NOBOX: variants seen among roughly 807,000 people sequenced by gnomAD.
NOBOX encodes the protein homeobox protein NOBOX.
Under a neutral mutation model 60.2 loss-of-function variants are expected in NOBOX, and 46 were observed. The ratio of observed to expected loss-of-function variants is 0.76; its 90% CI spans 0.60 to 0.98. The LOEUF (loss-of-function observed/expected upper bound fraction) is 0.98, where lower values mean the gene tolerates loss of function less well. Among genes scored for constraint, NOBOX ranks in the 50% least tolerant of loss-of-function variants. The probability of loss-of-function intolerance (pLI) is 0.00; values close to 1 mark genes in which losing one functional copy is unlikely to be tolerated. For synonymous variants in NOBOX, 360 were observed against 346.3 expected (o/e 1.04, Z -0.44); for missense variants, 880 against 865.5 (o/e 1.02, Z -0.21).
chr7:144,398,319 T>C lies in NOBOX; in HGVS notation c.1737A>G (p.Ser579=), dbSNP rs1286424964. ...CAGGTGGTTGCATCAGGATCTGTCC[T>C]GAGGAGGCACCTGGGCAATAGCCCT... Residue 579 remains serine (S), a synonymous_variant, in exon 9 of 10, where the codon TCA becomes TCG. Transcript: ENST00000467773. The C allele has an allele frequency of 6.5e-7, 1 of 1,537,306 alleles. No homozygotes were observed. Among genetic ancestry groups the C allele is most frequent in the Non-Finnish European group, 8.7e-7 (1 of 1,146,928 alleles).
intron 1 of NOBOX, among the ~76,000 whole-genome samples, chr7:144,406,313 G>A (rs777587558): frequency 1.3e-5 from 2 of 152,090 alleles, no homozygotes; most frequent in Admixed American, 6.6e-5. Context: ...ATCCCAGCAC[G>A]TTGGGAGGCC....
chr7:144,406,749 A>G (rs2053988322), intron 1 of NOBOX, among the ~76,000 whole-genome samples: 1 of 152,180 alleles, frequency 6.6e-6, no homozygotes, highest in Non-Finnish European at 1.5e-5. Context: ...TGTGTTTTTG[A>G]TATATCTTGT....
chr7:144,396,932 C>T (rs920479980), downstream of NOBOX, among the ~76,000 whole-genome samples: 12 of 152,088 alleles, frequency 7.9e-5, no homozygotes, highest in African/African-American at 1.2e-4. Context: ...TTACTGCTTA[C>T]GGTGGACACT....
chr7:144,402,690 G>A (rs1482657740), intron 2 of NOBOX, among the ~76,000 whole-genome samples: 8 of 150,810 alleles, frequency 5.3e-5, no homozygotes, highest in Non-Finnish European at 1.2e-4. Context: ...GCTAAGTAAC[G>A]ACTAAGAGCT....
At position 144,401,238 on chromosome 7, in the gene NOBOX, A is replaced by G; in HGVS notation, c.652T>C (p.Ser218Pro). Residue 218 changes from serine to proline, a missense_variant, in exon 4 of 10, where the codon TCA (serine) becomes CCA (proline). Coordinates refer to ENST00000467773, the MANE Select transcript of NOBOX (RefSeq NM_001080413.3). This position sits in a 1 kb window ranked among gnomAD's most constrained non-coding sequence, Gnocchi z 4.2. ...GCTGAGTTAGGGGCACCCGGAGATGATGTTGGGGCCAGACCCATGGCATTA... is the reference window on the plus strand; with the variant it reads ...GCTGAGTTAGGGGCACCCGGAGATGGTGTTGGGGCCAGACCCATGGCATTA... The G allele has an allele frequency of 6.2e-7, 1 of 1,613,488 alleles. No homozygotes were observed. Among genetic ancestry groups the G allele is most frequent in the Non-Finnish European group, 8.5e-7 (1 of 1,179,730 alleles).
rs200917107 is a variant in NOBOX, at chr7:144,401,210, C to A, written c.680G>T (p.Arg227Leu). The A allele has an allele frequency of 6.2e-7, 1 of 1,613,640 alleles. No individual in the cohort carries two copies. Among genetic ancestry groups the A allele is most frequent in the Non-Finnish European group, 8.5e-7 (1 of 1,179,760 alleles). Residue 227 changes from arginine to leucine, a missense_variant, in exon 4 of 10, where the codon CGT (arginine) becomes CTT (leucine). Arg to Leu is a moderately radical substitution (Grantham distance 102). Coordinates refer to ENST00000467773, the MANE Select transcript of NOBOX (RefSeq NM_001080413.3). The surrounding 1 kb of genome is among the most constrained non-coding windows in gnomAD (Gnocchi z 4.2). The stretch of plus-strand genomic sequence containing the variant: ...ACAGGGCACTGGGTTGTGTGTGGCA[C>A]GGGCTGAGTTAGGGGCACCCGGAGA...
chr7:144,398,611 T>A, intron 8 of NOBOX, 25 bp from the exon 7 acceptor site: 1 of 1,517,970 alleles, frequency 6.6e-7, no homozygotes, highest in Non-Finnish European at 8.8e-7. Context: ...GAACAGCTGG[T>A]GAGGTGCAGG....
intron 1 of NOBOX, among the ~76,000 whole-genome samples, chr7:144,406,213 G>A (rs1388982598): frequency 6.6e-6 from 1 of 152,174 alleles, no homozygotes; most frequent in African/African-American, 2.4e-5. Flanking sequence ...GAAAGATACA[G>A]GGTCTGAGTC....
At chr7:144,405,789 C>T (rs974817663) in intron 1 of NOBOX, among the ~76,000 whole-genome samples, 10 of 152,128 alleles carry the variant, frequency 6.6e-5, no homozygotes, top group Non-Finnish European at 2.9e-5. Context: ...ATGGGGGTTC[C>T]AATCCCCAGA....
intron 9 of NOBOX, 74 bp from the exon 8 acceptor site, chr7:144,397,615 C>T (rs1200004494): frequency 2.3e-6 from 3 of 1,304,564 alleles, no homozygotes; most frequent in Non-Finnish European, 3.1e-6. Context: ...TGTTCTACAA[C>T]AGATCCCCCC....
At position 144,399,082 on chromosome 7, in the gene NOBOX, G is replaced by T. The variant is rs776455519; in HGVS notation, c.1337C>A (p.Pro446Gln). 7 of 1,267,726 alleles carry T rather than the reference G, an allele frequency of 5.5e-6. No homozygotes were observed. Among genetic ancestry groups the T allele is most frequent in the South Asian group, 4.8e-5 (4 of 83,378 alleles). 78.5% of individuals were successfully genotyped at this position (1,267,726 alleles called of 1,614,324 possible). The stretch of plus-strand genomic sequence containing the variant: ...AGGAAGATCGGCCCTTCGCACAGGT[G>T]GGGGGCTGAAGAGTGGGGGGGTCAC... Residue 446 changes from proline (P) to glutamine (Q), a missense_variant, in exon 8 of 10, where the codon CCA (proline) becomes CAA (glutamine). Pro to Gln is a moderately conservative substitution (Grantham distance 76). Transcript: ENST00000467773.
intron 2 of NOBOX, 69 bp from the exon 1 acceptor site, chr7:144,403,762 G>C: frequency 1.6e-6 from 1 of 643,966 alleles, no homozygotes; most frequent in Non-Finnish European, 2.8e-6. Context: ...CTCGCCGGGC[G>C]GGCAGGTGTG....
intron 2 of NOBOX, among the ~76,000 whole-genome samples, chr7:144,402,469 G>T (rs1198577837): frequency 6.6e-6 from 1 of 152,118 alleles, no homozygotes; most frequent in Non-Finnish European, 1.5e-5. Context: ...AACAGATGAA[G>T]AAATGAGGAT....
chr7:144,403,781 A>ACGGGCCGGGC (rs375024030), intron 2 of NOBOX, 88 bp from the exon 1 acceptor site: 1 of 496,088 alleles, frequency 2.0e-6, no homozygotes, highest in East Asian at 4.1e-5. Flanking sequence ...TGCAGCCCGC[A>ACGGGCCGGGC]CGGGCCGGGC....
chr7:144,407,889 C>T (rs1208174), intron 1 of NOBOX, among the ~76,000 whole-genome samples: 91,747 of 151,908 alleles, frequency 0.6, 28,106 homozygotes, highest in South Asian at 0.83. Context: ...CTGCTGCTGC[C>T]ATTGTTTACA....
chr7:144,398,566 C>T lies in NOBOX; in HGVS notation c.1490G>A (p.Cys497Tyr). ...GGGCTCCAGCTCCTCCAAATATGAA[C>T]AGGGGGGTGGCAGGGTGATGCTGCA... Residue 497 changes from cysteine to tyrosine, a missense_variant, in exon 9 of 10, where the codon TGT becomes TAT. Coordinates refer to ENST00000467773, the MANE Select transcript of NOBOX (RefSeq NM_001080413.3). 1 of 1,535,462 alleles carries T rather than the reference C, an allele frequency of 6.5e-7. No homozygotes were observed. Among genetic ancestry groups the T allele is most frequent in the South Asian group, 1.2e-5 (1 of 83,972 alleles).
chr7:144,399,277 G>T, intron 7 of NOBOX, 99 bp from the exon 6 acceptor site: 1 of 958,592 alleles, frequency 1.0e-6, no homozygotes, highest in Non-Finnish European at 1.6e-6. Context: ...AGGTCCCCCT[G>T]AATAGGCCCT....
intron 1 of NOBOX, among the ~76,000 whole-genome samples, chr7:144,408,293 A>G (rs2053999448): frequency 6.6e-6 from 1 of 151,206 alleles, no homozygotes; most frequent in Non-Finnish European, 1.5e-5. Context: ...CCCAACCCAA[A>G]TATTCCCTTT....
chr7:144,398,575 G>A lies in NOBOX; in HGVS notation c.1481C>T (p.Pro494Leu). The A allele has an allele frequency of 1.3e-6, 2 of 1,535,810 alleles. No individual in the cohort carries two copies. The highest frequency in any genetic ancestry group is 2.4e-5 in the South Asian group (2 of 83,986). The change falls in exon 9 of 10, where the codon CCA becomes CTA. Residue 494 changes from proline to leucine, a missense_variant. By Grantham distance (98) the Pro-to-Leu change is moderately conservative (BLOSUM62 -3). Coordinates refer to ENST00000467773, the MANE Select transcript of NOBOX (RefSeq NM_001080413.3). ...CTCCTCCAAATATGAACAGGGGGGT[G>A]GCAGGGTGATGCTGCAAGGACAGAG...
Sources: allele counts gnomAD v4.1 joint callset (sites outside exome capture counted in the v4.1 genomes callset), GRCh38; gene constraint gnomAD v4.1.1; non-coding constraint Gnocchi (gnomAD v3.1); transcripts MANE v1.5; gene names NCBI Gene and HGNC (gene_info 2026-07-23, HGNC 2026-07-21).